Variants in KHDC4 observed in about 807,000 individuals in gnomAD.
The protein encoded by KHDC4 is KH homology domain-containing protein 4.
A neutral mutation model predicts 74.5 loss-of-function variants in KHDC4; 19 were observed. That is an observed-to-expected ratio of 0.26 (90% CI 0.18 to 0.37). The LOEUF is 0.37. KHDC4 is among the 10% of genes least tolerant of loss of function. The pLI, the probability that KHDC4 is intolerant of heterozygous loss-of-function variation, is 1.00. For synonymous variants in KHDC4, 253 were observed against 266.1 expected (o/e 0.95, Z 0.48); for missense variants, 632 against 754.1 (o/e 0.84, Z 1.90).
rs530817498 is a variant in KHDC4, at chr1:155,923,844, A to G, written c.894-157T>C. ...AAATCACAAAACAGAAACACAAAAC[A>G]TAAGTCTTTTAAGATATAACCACTA... On this transcript the variant is annotated intron_variant, in intron 7 of 13. Transcript: ENST00000368321. 3.6e-4 allele frequency among the ~76,000 whole-genome samples: 55 copies of G among 152,352 alleles called. 1 individual carries two copies. The South Asian group carries it at 3.7e-3, about 10-fold the overall frequency.
chr1:155,924,896 C>G (rs1673951648), intron 7 of KHDC4, among the ~76,000 whole-genome samples: 1 of 151,328 alleles, frequency 6.6e-6, no homozygotes, highest in African/African-American at 2.4e-5. Flanking sequence ...CAGGGTCTCA[C>G]TCAGTCACCC....
chr1:155,924,826 G>A lies in KHDC4; in HGVS notation c.893+806C>T, dbSNP rs551072727. ...TGACCTCAAGTGATCCGCCTGCCTCGGCCTCCCAAAGTGCTGGGATTACAG... is the reference window on the plus strand; with the variant it reads ...TGACCTCAAGTGATCCGCCTGCCTCAGCCTCCCAAAGTGCTGGGATTACAG... On this transcript the variant is annotated intron_variant, in intron 7 of 13. Transcript: ENST00000368321. 4.9e-4 allele frequency among the ~76,000 whole-genome samples: 74 copies of A among 150,870 alleles called. No homozygotes were observed. In the South Asian group the frequency reaches 8.4e-3, roughly 17 times the overall value.
intron 5 of KHDC4, 27 bp from the exon 6 acceptor site, chr1:155,926,866 G>C: frequency 6.2e-7 from 1 of 1,612,536 alleles, no homozygotes; most frequent in Non-Finnish European, 8.5e-7. Context: ...CAGTAAAACT[G>C]AATGGAATGA....
intron 10 of KHDC4, chr1:155,920,177 C>A (rs1373624110): frequency 1.2e-5 from 3 of 255,804 alleles, no homozygotes; most frequent in African/African-American, 6.9e-5. Context: ...CGGTGGCTCA[C>A]ACCTGTAATC....
rs1033657931 is a variant in KHDC4, at chr1:155,915,939, G to A, written c.1579C>T (p.Pro527Ser). ...GACTCTGTTTTTATTCCAGTCACTG[G>A]AAAGGCTGGTGGAGGCATCAACTGC... ...DRQLMPPPAFPVTGIKTESDE... is the reference protein window; with the variant it reads ...DRQLMPPPAFSVTGIKTESDE... Residue 527 changes from proline to serine, a missense_variant, in exon 13 of 14, where the codon CCA becomes TCA. Pro to Ser is a moderately conservative substitution (Grantham distance 74). Around this residue, in one of 4 missense-constraint regions of KHDC4, gnomAD observed 254 missense variants for 267.4 expected, o/e 0.95. Transcript: ENST00000368321. 2 of 1,594,484 alleles carry A rather than the reference G, an allele frequency of 1.3e-6. No homozygotes were observed. Among genetic ancestry groups the A allele is most frequent in the African/African-American group, 1.4e-5 (1 of 73,354 alleles).
chr1:155,921,960 G>C, intron 8 of KHDC4, 42 bp from the exon 9 acceptor site: 1 of 1,318,974 alleles, frequency 7.6e-7, no homozygotes, highest in Non-Finnish European at 1.1e-6. Flanking sequence ...GACAGCCGAA[G>C]CTGTGCATTT....
intron 5 of KHDC4, 74 bp downstream of exon 5, chr1:155,927,030 T>G: frequency 6.9e-7 from 1 of 1,459,384 alleles, no homozygotes; most frequent in Non-Finnish European, 9.6e-7. Flanking sequence ...AGGGACACTT[T>G]GCCAACTTGC....
intron 12 of KHDC4, among the ~76,000 whole-genome samples, 160 bp from the exon 13 acceptor site, chr1:155,916,124 A>G (rs1338056299): frequency 6.6e-6 from 1 of 152,200 alleles, no homozygotes; most frequent in Non-Finnish European, 1.5e-5. Flanking sequence ...TTATAAAAGT[A>G]TAAGGCCTGT....
At chr1:155,921,813 T>C (rs1291175052) in intron 9 of KHDC4, 48 bp downstream of exon 9, 1 of 1,468,820 alleles carries the variant, frequency 6.8e-7, no homozygotes, top group Non-Finnish European at 9.5e-7. Flanking sequence ...TAGTTACACA[T>C]AACTATCACT....
At chr1:155,931,290 CAAAA>C (rs55769714) in intron 2 of KHDC4, among the ~76,000 whole-genome samples, 5 of 109,658 alleles carry the variant, frequency 4.6e-5, no homozygotes, top group Admixed American at 2.0e-4. Context: ...ACTCTATCAC[CAAAA>C]AAAAAAAAAA....
chr1:155,931,026 A>C (rs1470374415), intron 2 of KHDC4, among the ~76,000 whole-genome samples: 1 of 152,056 alleles, frequency 6.6e-6, no homozygotes, highest in Non-Finnish European at 1.5e-5. Context: ...ATAAATATAT[A>C]AATTACAAAA....
In KHDC4 at chr1:155,927,875, A is replaced by ACACAC. The variant is rs1557970782; in HGVS notation, c.465-720_465-719insGTGTG. 3.9e-3 allele frequency among the ~76,000 whole-genome samples: 276 copies of ACACAC among 71,664 alleles called. 8 individuals are homozygous for ACACAC. Among genetic ancestry groups the ACACAC allele is most frequent in the African/African-American group, 0.013 (251 of 19,172 alleles). 47.0% of individuals were successfully genotyped at this position (71,664 alleles called of 152,430 possible). ...ACACACACACACACACACACACACA[A>ACACAC]AATTAATGGGGAAAGATTGATCATG... On this transcript the variant is annotated intron_variant, in intron 4 of 13. Coordinates refer to ENST00000368321, the MANE Select transcript of KHDC4 (RefSeq NM_014949.4).
chr1:155,930,844 G>A (rs1167348592), intron 2 of KHDC4, among the ~76,000 whole-genome samples: 3 of 151,986 alleles, frequency 2.0e-5, no homozygotes, highest in African/African-American at 4.8e-5. Context: ...GTGAAACCCC[G>A]TCTCTAGTAA....
chr1:155,919,704 G>A lies in KHDC4; in HGVS notation c.1266+1671C>T, dbSNP rs554071708. 1.2e-4 allele frequency among the ~76,000 whole-genome samples: 19 copies of A among 152,090 alleles called. 1 individual carries two copies. The highest frequency in any genetic ancestry group is 6.2e-4 in the South Asian group (3 of 4,816). ...CAGGCGCTTGTAGTCCCAGCTACTC[G>A]GGAGGCTGAGGCAGGAGAATCGCGT... On this transcript the variant is annotated intron_variant, in intron 10 of 13. Coordinates refer to ENST00000368321, the MANE Select transcript of KHDC4 (RefSeq NM_014949.4).
chr1:155,933,908 C>T, intron 1 of KHDC4, 59 bp from the exon 2 acceptor site: 3 of 1,318,554 alleles, frequency 2.3e-6, no homozygotes, highest in Non-Finnish European at 3.0e-6. Flanking sequence ...TTATTCTTTC[C>T]TTACTACGCC....
chr1:155,925,971 T>A, intron 6 of KHDC4, 128 bp from the exon 7 acceptor site: 1 of 842,538 alleles, frequency 1.2e-6, no homozygotes, highest in South Asian at 1.3e-5. Context: ...TGTTGGGTAG[T>A]ACAGTCAGCC....
chr1:155,924,871 G>T (rs978540219), intron 7 of KHDC4, among the ~76,000 whole-genome samples: 3 of 144,544 alleles, frequency 2.1e-5, no homozygotes, highest in Admixed American at 6.9e-5. Context: ...ACCGCACCTG[G>T]TTTTTTTTTT....
chr1:155,921,876 C>T lies in KHDC4; in HGVS notation c.997G>A (p.Ala333Thr), dbSNP rs1201578743. 14 of 1,606,874 alleles carry T rather than the reference C, an allele frequency of 8.7e-6. No individual in the cohort carries two copies. Among genetic ancestry groups the T allele is most frequent in the Non-Finnish European group, 1.1e-5 (13 of 1,175,472 alleles). ...ATGTACACACCTGGTAAAGGTACAGCAGTATTAATCTGATTCACAAATCTA... is the reference window on the plus strand; with the variant it reads ...ATGTACACACCTGGTAAAGGTACAGTAGTATTAATCTGATTCACAAATCTA... ...YSRFVNQINT[A>T]VPLPGYTQPS... Residue 333 changes from alanine to threonine, a missense_variant, in exon 9 of 14, where the codon GCT becomes ACT. By Grantham distance (58) the Ala-to-Thr change is moderately conservative. This residue lies in a region of KHDC4 where 233 missense variants were observed against 342.6 expected (regional missense o/e 0.68). Transcript: ENST00000368321.
intron 13 of KHDC4, chr1:155,915,093 T>C (rs1415795096): frequency 1.3e-5 from 2 of 152,108 alleles, no homozygotes; most frequent in South Asian, 2.1e-4. Context: ...GTTGTCTGTA[T>C]ACAATTTTTT....
Sources: allele counts gnomAD v4.1 joint callset (sites outside exome capture counted in the v4.1 genomes callset), GRCh38; gene constraint gnomAD v4.1.1; regional missense constraint gnomAD v4.1.1; transcripts MANE v1.5; gene names NCBI Gene and HGNC (gene_info 2026-07-23, HGNC 2026-07-21).